Variants in LRP1B observed in about 807,000 individuals in gnomAD.
LRP1B encodes the protein LDL receptor related protein 1B.
In LRP1B, 217 loss-of-function variants were observed where a neutral mutation model predicts 556.6. The ratio of observed to expected loss-of-function variants is 0.39; its 90% confidence interval spans 0.35 to 0.44. LRP1B has a LOEUF of 0.44. Among genes scored for constraint, LRP1B ranks in the 20% least tolerant of loss-of-function variants. The pLI, the probability that LRP1B is intolerant of heterozygous loss-of-function variation, is 1.00. For missense variants in LRP1B, 5,053 were observed against 5,620.8 expected, an observed-to-expected ratio of 0.90 and a Z score of 3.23; for synonymous variants, 2,047 against 1,865.8, an observed-to-expected ratio of 1.10 and a Z score of -2.50.
chr2:140,601,661 A>G (rs1432383643), intron 41 of LRP1B, 22 bp from the exon 42 acceptor site: 1 of 1,524,198 alleles, frequency 6.6e-7, no homozygotes, highest in Non-Finnish European at 8.9e-7. Flanking sequence ...AGAAAAAGAA[A>G]AAATATATAC....
At chr2:141,268,802 C>G (rs1039288767) in intron 3 of LRP1B, among the ~76,000 whole-genome samples, 1 of 152,042 alleles carries the variant, frequency 6.6e-6, no homozygotes, top group Non-Finnish European at 1.5e-5. Context: ...ACAGACACAG[C>G]CAAAACCCAG....
At chr2:140,296,084 G>A (rs1369378350) in intron 84 of LRP1B, among the ~76,000 whole-genome samples, 1 of 152,188 alleles carries the variant, frequency 6.6e-6, no homozygotes, top group Non-Finnish European at 1.5e-5. Flanking sequence ...CTATAGTACA[G>A]ATTGAGCATC....
intron 83 of LRP1B, among the ~76,000 whole-genome samples, chr2:140,309,334 A>G (rs1416960350): frequency 6.6e-6 from 1 of 151,786 alleles, no homozygotes; most frequent in African/African-American, 2.4e-5. Context: ...TTATACTTCT[A>G]TATACTTCTA....
chr2:141,135,718 C>T (rs76946173), intron 7 of LRP1B, among the ~76,000 whole-genome samples: 5,220 of 151,964 alleles, frequency 0.034, 144 homozygotes, highest in East Asian at 0.16. Context: ...ATAATCCAGA[C>T]AATATTGGAC....
intron 2 of LRP1B, among the ~76,000 whole-genome samples, chr2:141,791,446 A>G (rs543099073): frequency 4.6e-4 from 70 of 152,128 alleles, no homozygotes; most frequent in Non-Finnish European, 6.9e-4. Flanking sequence ...TTTTCTTACT[A>G]TTTTGTTCAT....
intron 31 of LRP1B, among the ~76,000 whole-genome samples, chr2:140,834,667 G>A (rs1691839265): frequency 6.6e-6 from 1 of 152,144 alleles, no homozygotes; most frequent in African/African-American, 2.4e-5. Flanking sequence ...GGTCGTTTTG[G>A]TAACACTTGG....
At chr2:141,364,286 CACACACACGCAA>C (rs1400380504) in intron 3 of LRP1B, among the ~76,000 whole-genome samples, 1 of 151,670 alleles carries the variant, frequency 6.6e-6, no homozygotes. Context: ...CACACACACA[CACACACACGCAA>C]ACACACACAC....
intron 1 of LRP1B, among the ~76,000 whole-genome samples, chr2:141,868,159 A>T (rs4662271): frequency 9.2e-5 from 14 of 152,106 alleles, no homozygotes; most frequent in African/African-American, 2.9e-4. Context: ...TTATGACCAG[A>T]CGCAGAAGTT....
At chr2:141,607,077 G>A (rs1687939718) in intron 2 of LRP1B, among the ~76,000 whole-genome samples, 1 of 150,564 alleles carries the variant, frequency 6.6e-6, no homozygotes, top group African/African-American at 2.5e-5. Context: ...TAAGCACTAG[G>A]TATTCAGTGG....
chr2:141,381,365 GAAA>G lies in LRP1B; in HGVS notation c.343+99028_343+99030del, dbSNP rs578203777. On this transcript the variant is annotated intron_variant, in intron 3 of 90. Transcript: ENST00000389484. ...AGAAATCATCCATCCAGTCAAAAGA[GAAA>G]AAAAAAAACAGAATGAAAAAGAGTG... 2.3e-5 allele frequency among the ~76,000 whole-genome samples: 3 copies of G among 132,858 alleles called. No homozygotes were observed. In the South Asian group the frequency reaches 7.1e-4, roughly 32 times the overall value. 87.2% of individuals were successfully genotyped at this position (132,858 alleles called of 152,430 possible).
rs544060266 is a variant in LRP1B, at chr2:141,480,537, A to G, written c.206-4T>C. 9 of 1,613,702 alleles carry G rather than the reference A, an allele frequency of 5.6e-6. No individual in the cohort carries two copies. Among genetic ancestry groups the G allele is most frequent in the South Asian group, 3.3e-5 (3 of 91,076 alleles). ...TTGATTTCTACCTCCTCGGGACCTG[A>G]AAAGATGTAAAAAAGAACAGAATTA... On this transcript the variant is annotated splice_polypyrimidine_tract_variant and splice_region_variant and intron_variant, in intron 2 of 90. Coordinates refer to ENST00000389484, the MANE Select transcript of LRP1B (RefSeq NM_018557.3).
intron 3 of LRP1B, among the ~76,000 whole-genome samples, chr2:141,263,183 G>A (rs1281350734): frequency 6.6e-6 from 1 of 151,730 alleles, no homozygotes; most frequent in South Asian, 2.1e-4. Flanking sequence ...TCCATTGCTA[G>A]CAATCAATCA....
At chr2:141,745,347 C>A (rs186964231) in intron 2 of LRP1B, among the ~76,000 whole-genome samples, 1 of 152,120 alleles carries the variant, frequency 6.6e-6, no homozygotes, top group Admixed American at 6.5e-5. Context: ...TAGAAATCTA[C>A]CGGCATGCTC....
chr2:142,063,901 A>G (rs142845842), intron 1 of LRP1B, among the ~76,000 whole-genome samples: 1 of 151,712 alleles, frequency 6.6e-6, no homozygotes, highest in African/African-American at 2.4e-5. Context: ...TGGTATCAGT[A>G]CACATATACA....
intron 3 of LRP1B, among the ~76,000 whole-genome samples, chr2:141,323,343 C>T (rs1194419088): frequency 7.2e-5 from 11 of 151,906 alleles, no homozygotes; most frequent in Non-Finnish European, 1.0e-4. Context: ...TCACAAACTC[C>T]GAAAGTCAGG....
At chr2:140,941,860 C>A (rs1431402431) in intron 20 of LRP1B, among the ~76,000 whole-genome samples, 1 of 152,142 alleles carries the variant, frequency 6.6e-6, no homozygotes, top group Non-Finnish European at 1.5e-5. Context: ...GGAATCAGTT[C>A]AAGAACTCTA....
rs1192679410 is a variant in LRP1B, at chr2:141,936,919, T to TC, written c.83-126519dup. On this transcript the variant is annotated intron_variant, in intron 1 of 90. Coordinates refer to ENST00000389484, the MANE Select transcript of LRP1B (RefSeq NM_018557.3). ...AAACACACATTAGTTTTTTTTTTTT[T>TC]CACTTTCCACCATAGTATTTAACTA... Among the ~76,000 whole-genome samples the TC allele has an allele frequency of 4.0e-5, 6 of 150,566 alleles. No homozygotes were observed. In the South Asian group the frequency reaches 6.3e-4, roughly 16 times the overall value.
At chr2:140,887,313 A>C (rs757277955) in intron 23 of LRP1B, among the ~76,000 whole-genome samples, 1 of 152,164 alleles carries the variant, frequency 6.6e-6, no homozygotes, top group Non-Finnish European at 1.5e-5. Context: ...TTAAAAGAAA[A>C]ATTACCTAAT....
intron 2 of LRP1B, among the ~76,000 whole-genome samples, chr2:141,657,802 T>C (rs1409661564): frequency 6.6e-6 from 1 of 152,218 alleles, no homozygotes; most frequent in Non-Finnish European, 1.5e-5. Flanking sequence ...ACTGTAACTT[T>C]CTATGTATTG....
Sources: allele counts gnomAD v4.1 joint callset (sites outside exome capture counted in the v4.1 genomes callset), GRCh38; gene constraint gnomAD v4.1.1; transcripts MANE v1.5; gene names NCBI Gene and HGNC (gene_info 2026-07-23, HGNC 2026-07-21).